Variants in SLC35F3 observed in about 807,000 individuals in gnomAD.
SLC35F3 encodes the protein solute carrier family 35 member F3, also known as putative thiamine transporter SLC35F3.
Under a neutral mutation model 49.9 loss-of-function variants are expected in SLC35F3, and 25 were observed. The observed-to-expected ratio is 0.50, with a 90% CI of 0.37 to 0.70. The LOEUF is 0.70. Ranked by LOEUF, SLC35F3 falls within the 30% of genes least tolerant of loss-of-function variation. The pLI is 0.00. For synonymous variants in SLC35F3, 275 were observed against 265.4 expected (o/e 1.04, Z -0.35); for missense variants, 525 against 639.8 (o/e 0.82, Z 1.94).
In SLC35F3 at chr1:234,163,356, A is replaced by G. The variant is rs531281280; in HGVS notation, c.284-68061A>G. Among the ~76,000 whole-genome samples, 6 of 152,340 alleles carry G rather than the reference A, an allele frequency of 3.9e-5. No individual in the cohort carries two copies. In the South Asian group the frequency reaches 1.2e-3, roughly 32 times the overall value. ...GTTAGGGAGAAAGAGGAGGGAAGTC[A>G]TGTGATAGGTGGCACAGGGAAAGAG... On this transcript the variant is annotated intron_variant, in intron 2 of 7. Coordinates refer to ENST00000366618, the MANE Select transcript of SLC35F3 (RefSeq NM_173508.4).
At chr1:233,990,275 T>C (rs1251715560) in intron 2 of SLC35F3, among the ~76,000 whole-genome samples, 2 of 152,196 alleles carry the variant, frequency 1.3e-5, no homozygotes, top group African/African-American at 4.8e-5. Flanking sequence ...TGCTCAAGTT[T>C]TATTTTAGTG....
At chr1:234,141,285 A>T (rs1453762798) in intron 2 of SLC35F3, among the ~76,000 whole-genome samples, 1 of 152,194 alleles carries the variant, frequency 6.6e-6, no homozygotes, top group African/African-American at 2.4e-5. Context: ...TGGAATGTTC[A>T]GTATGGCTCC....
chr1:234,199,822 C>A (rs138521883), intron 2 of SLC35F3, among the ~76,000 whole-genome samples: 1 of 152,072 alleles, frequency 6.6e-6, no homozygotes, highest in African/African-American at 2.4e-5. Flanking sequence ...AATTAAAAAA[C>A]GGGCAAAGGA....
intron 2 of SLC35F3, among the ~76,000 whole-genome samples, chr1:234,029,161 C>A (rs1664021324): frequency 6.6e-6 from 1 of 152,254 alleles, no homozygotes; most frequent in South Asian, 2.1e-4. Flanking sequence ...AAACCAGACT[C>A]CAGGGCTCTT....
At chr1:233,956,743 G>T (rs1478860905) in intron 2 of SLC35F3, among the ~76,000 whole-genome samples, 3 of 152,220 alleles carry the variant, frequency 2.0e-5, no homozygotes, top group African/African-American at 7.2e-5. Flanking sequence ...GGGGCTGCCT[G>T]CCAGCAAGGG....
rs533730531 is a variant in SLC35F3, at chr1:233,954,670, T to A, written c.283+48912T>A. 2.0e-5 allele frequency among the ~76,000 whole-genome samples: 3 copies of A among 152,312 alleles called. No individual in the cohort carries two copies. The South Asian group carries it at 6.2e-4, about 32-fold the overall frequency. On this transcript the variant is annotated intron_variant, in intron 2 of 7. Coordinates refer to ENST00000366618, the MANE Select transcript of SLC35F3 (RefSeq NM_173508.4). ...AGCCTCCCAAAGATAAAGGGCTTTATCTTTTGCTCTTCCCTTTTCCCCCCT... is the reference window on the plus strand; with the variant it reads ...AGCCTCCCAAAGATAAAGGGCTTTAACTTTTGCTCTTCCCTTTTCCCCCCT...
intron 2 of SLC35F3, among the ~76,000 whole-genome samples, chr1:234,172,983 T>G (rs1666423479): frequency 6.6e-6 from 1 of 152,156 alleles, no homozygotes. Context: ...TCCCTGACCT[T>G]AGGGCAAAAT....
chr1:234,107,776 C>T (rs1027264077), intron 2 of SLC35F3, among the ~76,000 whole-genome samples: 4 of 152,142 alleles, frequency 2.6e-5, no homozygotes, highest in Non-Finnish European at 2.9e-5. Context: ...AAAGACAGCT[C>T]GCAGAGGCCC....
At chr1:234,207,198 G>A (rs1484065162) in intron 2 of SLC35F3, among the ~76,000 whole-genome samples, 1 of 151,704 alleles carries the variant, frequency 6.6e-6, no homozygotes, top group Non-Finnish European at 1.5e-5. Context: ...TCCAAAAAAA[G>A]CTTCCTCTGA....
chr1:233,946,396 A>G (rs1218518342), intron 2 of SLC35F3, among the ~76,000 whole-genome samples: 2 of 152,222 alleles, frequency 1.3e-5, no homozygotes, highest in African/African-American at 4.8e-5. Context: ...TGGACTTACT[A>G]ATAGAATACA....
At chr1:234,154,800 C>A in intron 2 of SLC35F3, among the ~76,000 whole-genome samples, 1 of 152,196 alleles carries the variant, frequency 6.6e-6, no homozygotes, top group East Asian at 1.9e-4. Flanking sequence ...CTCCTTCAGG[C>A]CTACCCAAGA....
intron 2 of SLC35F3, among the ~76,000 whole-genome samples, chr1:234,152,696 A>C (rs1490134861): frequency 6.6e-6 from 1 of 152,168 alleles, no homozygotes; most frequent in African/African-American, 2.4e-5. Context: ...ATACGTGTGC[A>C]TGTGTCTTTA....
intron 2 of SLC35F3, among the ~76,000 whole-genome samples, chr1:234,179,895 A>C (rs561786773): frequency 7.4e-4 from 112 of 152,314 alleles, no homozygotes; most frequent in African/African-American, 2.7e-3. Flanking sequence ...AAAGAGCAAA[A>C]GAAAAAAGGT....
chr1:233,914,935 T>C (rs926034049), intron 2 of SLC35F3, among the ~76,000 whole-genome samples: 1 of 152,168 alleles, frequency 6.6e-6, no homozygotes, highest in Non-Finnish European at 1.5e-5. Flanking sequence ...ACTGAAACAA[T>C]TGCCTAGGAC....
intron 5 of SLC35F3, among the ~76,000 whole-genome samples, chr1:234,317,086 G>C (rs187296654): frequency 5.7e-4 from 87 of 152,304 alleles, no homozygotes; most frequent in African/African-American, 1.9e-3. Context: ...ACCCTATGGG[G>C]TGGGAAGACT....
intron 3 of SLC35F3, among the ~76,000 whole-genome samples, chr1:234,292,424 C>T (rs901979097): frequency 1.3e-5 from 2 of 152,218 alleles, no homozygotes; most frequent in Non-Finnish European, 2.9e-5. Context: ...TCCTACTGCT[C>T]AAGGTCATCG....
intron 2 of SLC35F3, among the ~76,000 whole-genome samples, chr1:234,139,963 A>ATAAAATAAAATAAAAT: frequency 1.4e-4 from 18 of 131,128 alleles, no homozygotes; most frequent in Admixed American, 3.0e-4. Flanking sequence ...ATAAAATAAA[A>ATAAAATAAAATAAAAT]TAAAATAAAA....
rs1358972091 is a variant in SLC35F3, at chr1:234,292,341, A to AT, written c.609-16756dup. ...TGCATAGACAACATGGTCAGGGAAG[A>AT]TTTTGACTCCCTTGACCCACTTATG... On this transcript the variant is annotated intron_variant, in intron 3 of 7. Coordinates refer to ENST00000366618, the MANE Select transcript of SLC35F3 (RefSeq NM_173508.4). 2.0e-5 allele frequency among the ~76,000 whole-genome samples: 3 copies of AT among 152,212 alleles called. No individual in the cohort carries two copies. In the East Asian group the frequency reaches 5.8e-4, roughly 29 times the overall value.
intron 2 of SLC35F3, among the ~76,000 whole-genome samples, chr1:233,950,168 C>T (rs375523364): frequency 4.0e-5 from 6 of 151,814 alleles, no homozygotes; most frequent in African/African-American, 7.3e-5. Flanking sequence ...GGGTGGATCA[C>T]GAGGTCAGGA....
Sources: allele counts gnomAD v4.1 joint callset (sites outside exome capture counted in the v4.1 genomes callset), GRCh38; gene constraint gnomAD v4.1.1; transcripts MANE v1.5; gene names NCBI Gene and HGNC (gene_info 2026-07-23, HGNC 2026-07-21).